The following TENM2 variants were observed in gnomAD, a reference collection of about 807,000 sequenced individuals.
TENM2 encodes teneurin transmembrane protein 2, also known as teneurin-2.
TENM2 carries 52 observed loss-of-function variants against 245.2 expected under a neutral mutation model. That is an observed-to-expected ratio of 0.21 (90% confidence interval 0.17 to 0.27). The LOEUF (loss-of-function observed/expected upper bound fraction) is 0.27, where lower values mean the gene tolerates loss of function less well. Ranked by LOEUF, TENM2 falls within the 10% of genes least tolerant of loss-of-function variation. TENM2 has a pLI of 1.00. For synonymous variants in TENM2, 1,363 were observed against 1,438.9 expected (o/e 0.95, Z 1.19); for missense variants, 3,046 against 3,666.8 (o/e 0.83, Z 4.37).
In TENM2 at chr5:168,247,954, T is replaced by G. The variant is rs1401372998; in HGVS notation, c.7015T>G (p.Ser2339Ala). 1.9e-6 allele frequency: 3 copies of G among 1,613,698 alleles called. No individual in the cohort carries two copies. In the African/African-American group the frequency reaches 4.0e-5, roughly 22 times the overall value. ...GCGCATCACCCATGTCTACAATCAC[T>G]CCAACTCGGAGATTACCTCACTGTA... Residue 2339 changes from serine (S) to alanine (A), a missense_variant, in exon 27 of 29, where the codon TCC becomes GCC. By Grantham distance (99) the Ser-to-Ala change is moderately conservative (BLOSUM62 1). This residue lies in a region of TENM2 where 2,704 missense variants were observed against 3,331.9 expected (regional missense o/e 0.81). Coordinates refer to ENST00000518659, the Ensembl canonical transcript of TENM2. This position sits in a 1 kb window ranked among gnomAD's most constrained non-coding sequence, Gnocchi z 7.8.
chr5:168,067,040 C>A (rs1790567591), intron 7 of TENM2, among the ~76,000 whole-genome samples: 1 of 152,130 alleles, frequency 6.6e-6, no homozygotes, highest in South Asian at 2.1e-4. Context: ...CAATAATTGG[C>A]AGATTAGGTA....
intron 4 of TENM2, among the ~76,000 whole-genome samples, chr5:167,962,942 T>C (rs896893722): frequency 6.6e-6 from 1 of 152,170 alleles, no homozygotes; most frequent in African/African-American, 2.4e-5. Flanking sequence ...CAAATATTTA[T>C]TGAGTCCCTT....
chr5:167,387,291 G>A (rs531110364), intron 2 of TENM2, among the ~76,000 whole-genome samples: 84 of 151,970 alleles, frequency 5.5e-4, no homozygotes, highest in African/African-American at 2.0e-3. Context: ...TTGTAAAAGG[G>A]GTTGAATTCT....
chr5:167,055,097 C>G, the TENM2 span, among the ~76,000 whole-genome samples: 1 of 152,012 alleles, frequency 6.6e-6, no homozygotes, highest in Non-Finnish European at 1.5e-5. Context: ...AAAAAGTCAT[C>G]GCCATACTCA....
At chr5:167,703,396 G>A (rs1758294079) in intron 2 of TENM2, among the ~76,000 whole-genome samples, 1 of 152,088 alleles carries the variant, frequency 6.6e-6, no homozygotes, top group African/African-American at 2.4e-5. Flanking sequence ...GCCGAGCATG[G>A]TGGCACACCA....
At chr5:167,508,520 A>G (rs559969147) in intron 2 of TENM2, among the ~76,000 whole-genome samples, 2 of 152,310 alleles carry the variant, frequency 1.3e-5, no homozygotes, top group South Asian at 2.1e-4. Flanking sequence ...AACAAAAAGA[A>G]TATAGACAGG....
the TENM2 span, among the ~76,000 whole-genome samples, chr5:167,079,487 AT>A: frequency 6.6e-6 from 1 of 150,730 alleles, no homozygotes; most frequent in Non-Finnish European, 1.5e-5. Flanking sequence ...CAAATTTTGT[AT>A]TTTTAGTAGA....
At chr5:168,136,511 T>C (rs981184917) in intron 12 of TENM2, among the ~76,000 whole-genome samples, 1 of 152,198 alleles carries the variant, frequency 6.6e-6, no homozygotes, top group Non-Finnish European at 1.5e-5. Context: ...CCATTGGTGC[T>C]CACGCTACTG....
the TENM2 span, among the ~76,000 whole-genome samples, chr5:167,262,584 TA>T: frequency 1.6e-4 from 24 of 152,000 alleles, no homozygotes; most frequent in Admixed American, 1.6e-3. Flanking sequence ...TGGGAGAGAT[TA>T]AAATGAAGGG....
At chr5:167,451,683 C>G (rs867284457) in intron 2 of TENM2, among the ~76,000 whole-genome samples, 1 of 151,464 alleles carries the variant, frequency 6.6e-6, no homozygotes, top group Admixed American at 6.6e-5. Context: ...GAGTCTCGCT[C>G]TGTCACCCAG....
At chr5:168,263,713 G>A (rs1768413530), downstream of TENM2, 2 of 152,610 alleles carry the variant, frequency 1.3e-5, no homozygotes, top group Admixed American at 6.6e-5. Flanking sequence ...GTTACAGGGT[G>A]TAGTCTGTTT....
chr5:167,111,196 T>C, the TENM2 span, among the ~76,000 whole-genome samples: 1 of 152,292 alleles, frequency 6.6e-6, no homozygotes, highest in South Asian at 2.1e-4. Context: ...AGCTATCTGG[T>C]ACTGTTCCCA....
intron 2 of TENM2, among the ~76,000 whole-genome samples, chr5:167,429,610 T>G (rs988082683): frequency 5.0e-5 from 7 of 140,300 alleles, no homozygotes; most frequent in Non-Finnish European, 9.3e-5. Context: ...TCTCTCTCTT[T>G]TTTTTTTTTT....
chr5:167,269,182 C>A, the TENM2 span, among the ~76,000 whole-genome samples: 1 of 152,000 alleles, frequency 6.6e-6, no homozygotes, highest in Non-Finnish European at 1.5e-5. Context: ...TAACAACAGA[C>A]CTGAAAGATA....
the TENM2 span, among the ~76,000 whole-genome samples, chr5:167,180,758 A>T: frequency 2.0e-5 from 3 of 152,210 alleles, no homozygotes; most frequent in African/African-American, 7.2e-5. Context: ...AGGAAGAGAA[A>T]ATACATTTAC....
At chr5:167,039,264 C>T in the TENM2 span, among the ~76,000 whole-genome samples, 1 of 152,050 alleles carries the variant, frequency 6.6e-6, no homozygotes, top group Non-Finnish European at 1.5e-5. Context: ...GACTGACTGG[C>T]TCAATGCAAG....
At chr5:168,066,766 G>A (rs1315354939) in intron 7 of TENM2, among the ~76,000 whole-genome samples, 2 of 152,200 alleles carry the variant, frequency 1.3e-5, no homozygotes, top group Non-Finnish European at 2.9e-5. Context: ...TATGTGTACA[G>A]TGGAAGCCTA....
At chr5:167,553,731 T>G (rs1368139832) in intron 2 of TENM2, among the ~76,000 whole-genome samples, 2 of 152,208 alleles carry the variant, frequency 1.3e-5, no homozygotes, top group Non-Finnish European at 2.9e-5. Flanking sequence ...TCCATCCATT[T>G]AGACTATTCA....
At chr5:167,497,585 G>A (rs1055066994) in intron 2 of TENM2, among the ~76,000 whole-genome samples, 1 of 151,900 alleles carries the variant, frequency 6.6e-6, no homozygotes, top group Non-Finnish European at 1.5e-5. Context: ...CAAATTCCAG[G>A]TTAGGTAATA....
Sources: allele counts gnomAD v4.1 joint callset (sites outside exome capture counted in the v4.1 genomes callset), GRCh38; gene constraint gnomAD v4.1.1; regional missense constraint gnomAD v4.1.1; non-coding constraint Gnocchi (gnomAD v3.1); transcripts MANE v1.5; gene names NCBI Gene and HGNC (gene_info 2026-07-23, HGNC 2026-07-21).